Variants in MATR3 observed in about 807,000 individuals in gnomAD.
The protein encoded by MATR3 is matrin 3.
Under a neutral mutation model 85.5 loss-of-function variants are expected in MATR3, and 4 were observed. The ratio of observed to expected loss-of-function variants is 0.05; its 90% CI spans 0.02 to 0.11. The LOEUF (loss-of-function observed/expected upper bound fraction) is 0.11, where lower values mean the gene tolerates loss of function less well. MATR3 is among the 10% of genes least tolerant of loss of function. The pLI is 1.00. For synonymous variants in MATR3, 336 were observed against 343.1 expected, an observed-to-expected ratio of 0.98 and a Z score of 0.23; for missense variants, 685 against 1,016.1, an observed-to-expected ratio of 0.67 and a Z score of 4.43.
rs58123057 is a variant in MATR3 at position 139,319,860 on chromosome 5, CTTTTTTTTTTTTTTTT to C, written c.1602+372_1602+387del. Among the ~76,000 whole-genome samples, 210 of 44,172 alleles carry C rather than the reference CTTTTTTTTTTTTTTTT, an allele frequency of 4.8e-3. 2 individuals carry two copies. Among genetic ancestry groups the C allele is most frequent in the African/African-American group, 0.015 (192 of 12,860 alleles). The allele number at this position is 44,172 out of a possible 152,430, so 29.0% of individuals were successfully genotyped here. Reference sequence around the variant, plus strand: ...CTCCCAACTCAAAAAAAAAAATTTGCTTTTTTTTTTTTTTTTTTTTTTTTTTTTAAAGTATATCCCT... The same window carrying C: ...CTCCCAACTCAAAAAAAAAAATTTGCTTTTTTTTTTTTAAAGTATATCCCT... On this transcript the variant is annotated intron_variant, in intron 9 of 14. Coordinates refer to ENST00000394805, the MANE Select transcript of MATR3 (RefSeq NM_018834.6).
At position 139,330,874 on chromosome 5, in the gene MATR3, C is replaced by G. The variant is rs750511409; in HGVS notation, c.*1479C>G. The G allele has an allele frequency of 6.6e-6, 3 of 453,784 alleles. No individual in the cohort carries two copies. Among genetic ancestry groups the G allele is most frequent in the Non-Finnish European group, 1.3e-5 (3 of 226,718 alleles). The allele number at this position is 453,784 out of a possible 1,614,324, so 28.1% of individuals were successfully genotyped here. On this transcript the variant is annotated 3_prime_UTR_variant, in exon 15 of 15. Transcript: ENST00000394805. ...GTGCAGTGGCACAGTTCTCTGCAAC[C>G]TCAGCCTTTGGGCTCAAATGACCCT...
In MATR3 at chr5:139,307,241, T is replaced by C. The variant is rs1754756265; in HGVS notation, c.-175T>C. ...TAAAATTGCTTATTTTTCTACAGAG[T>C]TGTCTGCTGGTTCTCAGCTTGAAGA... On this transcript the variant is annotated splice_region_variant and 5_prime_UTR_variant, in exon 2 of 15. Coordinates refer to ENST00000394805, the MANE Select transcript of MATR3 (RefSeq NM_018834.6). The surrounding 1 kb of genome is among the most constrained non-coding windows in gnomAD (Gnocchi z 4.4). 3.1e-6 allele frequency: 4 copies of C among 1,309,830 alleles called. No homozygotes were observed. The South Asian group carries it at 1.0e-4, about 33-fold the overall frequency. 81.1% of individuals were successfully genotyped at this position (1,309,830 alleles called of 1,614,324 possible).
chr5:139,306,604 T>C (rs757194265), intron 1 of MATR3, among the ~76,000 whole-genome samples: 2 of 152,234 alleles, frequency 1.3e-5, no homozygotes, highest in Non-Finnish European at 2.9e-5. Context: ...ATTAGTTGTA[T>C]AACTTAAATT....
At position 139,331,325 on chromosome 5, in the gene MATR3, A is replaced by G. The variant is rs929953867; in HGVS notation, c.*1930A>G. On this transcript the variant is annotated 3_prime_UTR_variant, in exon 15 of 15. Coordinates refer to ENST00000394805, the MANE Select transcript of MATR3 (RefSeq NM_018834.6). ...AATTACCCACTTCTGTTTAATTCCAATTTTTAACAGCAGGTACATAAAGCA... is the reference window on the plus strand; with the variant it reads ...AATTACCCACTTCTGTTTAATTCCAGTTTTTAACAGCAGGTACATAAAGCA... 4 of 454,100 alleles carry G rather than the reference A, an allele frequency of 8.8e-6. No individual in the cohort carries two copies. Among genetic ancestry groups the G allele is most frequent in the South Asian group, 3.1e-5 (2 of 64,476 alleles). The allele number at this position is 454,100 out of a possible 1,614,324, so 28.1% of individuals were successfully genotyped here. A position where few individuals can be genotyped will look rare whatever the true frequency, so the allele number is the denominator to read the frequency against.
At chr5:139,314,642 T>A in intron 2 of MATR3, 33 bp from the exon 3 acceptor site, 1 of 1,584,522 alleles carries the variant, frequency 6.3e-7, no homozygotes, top group African/African-American at 1.3e-5. Context: ...TCAGCTTTAT[T>A]TTTGTTAATT....
intron 3 of MATR3, among the ~76,000 whole-genome samples, chr5:139,281,848 G>A (rs1484151272): frequency 6.6e-6 from 1 of 152,134 alleles, no homozygotes; most frequent in Non-Finnish European, 1.5e-5. Flanking sequence ...TAAAAATAAG[G>A]AGGGTTTCCA....
At chr5:139,276,244 A>G in intron 2 of MATR3, 1 of 455,562 alleles carries the variant, frequency 2.2e-6, no homozygotes, top group South Asian at 1.5e-5. Context: ...CTGGGAGAAC[A>G]GCAGCCAATA....
At chr5:139,304,969 C>A (rs1002250247) in intron 1 of MATR3, among the ~76,000 whole-genome samples, 5 of 152,194 alleles carry the variant, frequency 3.3e-5, no homozygotes, top group African/African-American at 9.6e-5. Flanking sequence ...GTTGCCACAT[C>A]TGGTTTCTCC....
rs1472618319 is a variant in MATR3, at chr5:139,330,144, A to G, written c.*749A>G. The G allele has an allele frequency of 2.2e-6, 1 of 454,432 alleles. No homozygotes were observed. Among genetic ancestry groups the G allele is most frequent in the East Asian group, 6.9e-5 (1 of 14,412 alleles). 28.1% of individuals were successfully genotyped at this position (454,432 alleles called of 1,614,324 possible). A position where few individuals can be genotyped will look rare whatever the true frequency, so the allele number is the denominator to read the frequency against. ...CCCGTGATTGTCATACATCTCTGGTATAAGCAACATTTGATTTTTGAAGTG... is the reference window on the plus strand; with the variant it reads ...CCCGTGATTGTCATACATCTCTGGTGTAAGCAACATTTGATTTTTGAAGTG... On this transcript the variant is annotated 3_prime_UTR_variant, in exon 15 of 15. Coordinates refer to ENST00000394805, the MANE Select transcript of MATR3 (RefSeq NM_018834.6).
At chr5:139,283,815 C>T (rs1000710667) in intron 3 of MATR3, among the ~76,000 whole-genome samples, 7 of 152,234 alleles carry the variant, frequency 4.6e-5, no homozygotes, top group Non-Finnish European at 7.3e-5. Context: ...CCCTTGTTGG[C>T]CACTGGTTTC....
At chr5:139,301,759 T>A (rs1754457901) in intron 1 of MATR3, among the ~76,000 whole-genome samples, 1 of 152,232 alleles carries the variant, frequency 6.6e-6, no homozygotes, top group Non-Finnish European at 1.5e-5. Context: ...TAATACGGGT[T>A]TACTTCATCA....
At position 139,317,658 on chromosome 5, in the gene MATR3, A is replaced by G. The variant is rs376424446; in HGVS notation, c.1245A>G (p.Leu415=). 11 of 1,608,210 alleles carry G rather than the reference A, an allele frequency of 6.8e-6. No individual in the cohort carries two copies. The highest frequency in any genetic ancestry group is 2.2e-5 in the East Asian group (1 of 44,790). The change falls in exon 7 of 15, where the codon CTA becomes CTG. Residue 415 remains leucine (L), a synonymous_variant. Transcript: ENST00000394805. ...FQRGKNLRYQ[L]LQLVEPFGVI... is the part of the protein sequence containing the mutation. Reference sequence around the variant, plus strand: ...GAGGGAAAAACTTGAGATACCAGCTATTACAGCTGGTAGAACCATTTGGAG... The same window carrying G: ...GAGGGAAAAACTTGAGATACCAGCTGTTACAGCTGGTAGAACCATTTGGAG...
chr5:139,302,115 A>G (rs1389923945), intron 1 of MATR3, among the ~76,000 whole-genome samples: 1 of 152,140 alleles, frequency 6.6e-6, no homozygotes, highest in Non-Finnish European at 1.5e-5. Flanking sequence ...ATGCTACTTT[A>G]CCACACCCAC....
intron 6 of MATR3, 108 bp downstream of exon 6, chr5:139,317,213 C>A: frequency 1.8e-6 from 2 of 1,087,742 alleles, no homozygotes; most frequent in Non-Finnish European, 2.8e-6. Flanking sequence ...GGGAACATTG[C>A]TGTAATTTGA....
intron 2 of MATR3, chr5:139,278,921 G>T (rs373293227): frequency 1.9e-5 from 10 of 517,266 alleles, no homozygotes; most frequent in Non-Finnish European, 3.5e-5. Flanking sequence ...GCAGTGTTTT[G>T]CACCTCTGAG....
chr5:139,317,491 A>G (rs1027159789), intron 6 of MATR3, 105 bp from the exon 7 acceptor site: 2 of 1,132,670 alleles, frequency 1.8e-6, no homozygotes, highest in East Asian at 4.8e-5. Flanking sequence ...TGTTTTACTT[A>G]CACTCTCCTG....
chr5:139,305,552 A>G (rs919315748), intron 1 of MATR3, among the ~76,000 whole-genome samples: 3 of 152,144 alleles, frequency 2.0e-5, no homozygotes, highest in African/African-American at 7.2e-5. Flanking sequence ...ATGTGTGAAA[A>G]TTTAGAGGGT....
chr5:139,307,399 CAA>C lies in MATR3; in HGVS notation c.-16_-15del, dbSNP rs761140850. 19 of 1,608,838 alleles carry C rather than the reference CAA, an allele frequency of 1.2e-5. No individual in the cohort carries two copies. The highest frequency in any genetic ancestry group is 2.7e-5 in the African/African-American group (2 of 74,504). ...TTTTTTTTTTAATCTATAAAATAGA[CAA>C]GAGCTAGTTCTACAATGTCCAAGTC... On this transcript the variant is annotated 5_prime_UTR_variant, in exon 2 of 15. Coordinates refer to ENST00000394805, the MANE Select transcript of MATR3 (RefSeq NM_018834.6). This position sits in a 1 kb window ranked among gnomAD's most constrained non-coding sequence, Gnocchi z 4.4.
rs1455765639 is a variant in MATR3 at position 139,307,945 on chromosome 5, A to T, written c.530A>T (p.Asp177Val). 6.2e-7 allele frequency: 1 copy of T among 1,614,158 alleles called. No homozygotes were observed. Among genetic ancestry groups the T allele is most frequent in the Admixed American group, 1.7e-5 (1 of 60,006 alleles). Residue 177 changes from aspartate (D) to valine (V), a missense_variant, in exon 2 of 15, where the codon GAT becomes GTT. Coordinates refer to ENST00000394805, the MANE Select transcript of MATR3 (RefSeq NM_018834.6). The surrounding 1 kb of genome is among the most constrained non-coding windows in gnomAD (Gnocchi z 4.4). The part of the protein sequence containing the change: ...REPPYRVPRD[D>V]WEEKRHFRRD... ...CCACCATACAGAGTACCTAGGGATG[A>T]TTGGGAAGAAAAAAGGCACTTTAGA... is the stretch of plus-strand genomic sequence containing the variant.
Sources: gnomAD v4.1 joint callset for allele counts (sites outside exome capture counted in the v4.1 genomes callset) on GRCh38, gnomAD v4.1.1 for gene constraint, Gnocchi (gnomAD v3.1) non-coding constraint, MANE v1.5 for transcripts, NCBI Gene and HGNC (gene_info 2026-07-23, HGNC 2026-07-21) for gene names.